DIP2A: variants seen among roughly 807,000 people sequenced by gnomAD.
DIP2A encodes disco-interacting protein 2 homolog A.
A neutral mutation model predicts 177.4 loss-of-function variants in DIP2A; 85 were observed. The observed-to-expected ratio is 0.48, with a 90% CI of 0.40 to 0.57. DIP2A has a LOEUF of 0.57. Among genes scored for constraint, DIP2A ranks in the 20% least tolerant of loss-of-function variants. DIP2A has a pLI of 0.00. For synonymous variants in DIP2A, 886 were observed against 881.8 expected (o/e 1.00, Z -0.08); for missense variants, 1,791 against 2,100.2 (o/e 0.85, Z 2.88).
chr21:46,514,122 A>G (rs1057180025), intron 8 of DIP2A, among the ~76,000 whole-genome samples: 2 of 152,174 alleles, frequency 1.3e-5, no homozygotes, highest in East Asian at 1.9e-4. Flanking sequence ...ATTGCAATCT[A>G]TATTATTATT....
At position 46,556,794 on chromosome 21, in the gene DIP2A, C is replaced by A; in HGVS notation, c.3499-145C>A. On this transcript the variant is annotated intron_variant, in intron 29 of 37. Coordinates refer to ENST00000417564, the MANE Select transcript of DIP2A (RefSeq NM_015151.4). This position sits in a 1 kb window ranked among gnomAD's most constrained non-coding sequence, Gnocchi z 4.5. The stretch of plus-strand genomic sequence containing the variant: ...TATTTAGGTTATATGGGGATTTGAG[C>A]CAACCGTCTTTTAAGGAAATAAATA... 1 of 718,334 alleles carries A rather than the reference C, an allele frequency of 1.4e-6. No individual in the cohort carries two copies. The highest frequency in any genetic ancestry group is 2.2e-6 in the Non-Finnish European group (1 of 462,782). The allele number at this position is 718,334 out of a possible 1,614,324, so 44.5% of individuals were successfully genotyped here. A position where few individuals can be genotyped will look rare whatever the true frequency, so the allele number is the denominator to read the frequency against.
chr21:46,563,835 G>A lies in DIP2A; in HGVS notation c.4090-23G>A. The A allele has an allele frequency of 6.2e-7, 1 of 1,611,594 alleles. No homozygotes were observed. Among genetic ancestry groups the A allele is most frequent in the Admixed American group, 1.7e-5 (1 of 59,536 alleles). On this transcript the variant is annotated intron_variant, in intron 34 of 37. Transcript: ENST00000417564. This position sits in a 1 kb window ranked among gnomAD's most constrained non-coding sequence, Gnocchi z 4.3. ...CTCGTGTCATGTTTTCTTTAACAAG[G>A]GACATAGCTCTCCTCCTTCCAGATC...
At chr21:46,549,983 C>T (rs2060213101) in intron 22 of DIP2A, 98 bp downstream of exon 22, 3 of 1,562,552 alleles carry the variant, frequency 1.9e-6, no homozygotes, top group East Asian at 2.3e-5. Context: ...CCGCCCGGTC[C>T]TCCCTGGCTC....
intron 1 of DIP2A, among the ~76,000 whole-genome samples, chr21:46,467,568 G>C (rs2054949340): frequency 6.6e-6 from 1 of 152,086 alleles, no homozygotes; most frequent in East Asian, 1.9e-4. Context: ...ACATTTTAAA[G>C]CTATTGCCTA....
At chr21:46,527,329 T>TTTG (rs1224381595) in intron 8 of DIP2A, among the ~76,000 whole-genome samples, 3 of 144,234 alleles carry the variant, frequency 2.1e-5, no homozygotes, top group African/African-American at 5.2e-5. Flanking sequence ...GTTGAGGTTT[T>TTTG]TTTTTTTTTT....
Position 46,551,879 on chromosome 21 carries a change from C to G in DIP2A, c.3005C>G (p.Pro1002Arg). ...CGTGCCCACACCACTCCTGACCACC[C>G]GCTGTTCTTGCTGCTGAACGCCAAG... is the stretch of plus-strand genomic sequence containing the variant. ...QWRAHTTPDH[P>R]LFLLLNAKGT... The change falls in exon 25 of 38, where the codon CCG becomes CGG. Residue 1002 changes from proline to arginine, a missense_variant. Coordinates refer to ENST00000417564, the MANE Select transcript of DIP2A (RefSeq NM_015151.4). The G allele has an allele frequency of 6.2e-7, 1 of 1,609,204 alleles. No homozygotes were observed.
intron 8 of DIP2A, among the ~76,000 whole-genome samples, chr21:46,512,808 A>C (rs912409864): frequency 1.2e-4 from 15 of 120,316 alleles, no homozygotes; most frequent in African/African-American, 4.3e-4. Context: ...TTTAAAAAAA[A>C]AAACAAACAA....
intron 8 of DIP2A, among the ~76,000 whole-genome samples, chr21:46,519,903 C>G (rs896840941): frequency 1.0e-5 from 1 of 95,816 alleles, no homozygotes; most frequent in South Asian, 3.8e-4. Flanking sequence ...GAGATGGAGT[C>G]TTGCTCTGCT....
intron 5 of DIP2A, among the ~76,000 whole-genome samples, chr21:46,502,104 C>A (rs2057682373): frequency 1.3e-5 from 2 of 152,090 alleles, no homozygotes; most frequent in African/African-American, 4.8e-5. Context: ...TTAAACATTA[C>A]CAGTTGTCTC....
intron 13 of DIP2A, 104 bp downstream of exon 13, chr21:46,534,791 G>C: frequency 2.0e-6 from 2 of 979,146 alleles, no homozygotes; most frequent in Non-Finnish European, 1.5e-6. Flanking sequence ...CCACCCCTGG[G>C]TAGTGCCTTT....
intron 2 of DIP2A, among the ~76,000 whole-genome samples, chr21:46,485,983 A>T (rs1022522896): frequency 6.7e-6 from 1 of 149,812 alleles, no homozygotes. Context: ...AGACAGGAGA[A>T]TCACTTGAAC....
chr21:46,550,598 A>G lies in DIP2A; in HGVS notation c.2693A>G (p.Asn898Ser), dbSNP rs768451742. The change falls in exon 23 of 38, where the codon AAC becomes AGC. Residue 898 changes from asparagine (N) to serine (S), a missense_variant. Physicochemically the swap from Asn to Ser is conservative, Grantham distance 46 (BLOSUM62 1). Coordinates refer to ENST00000417564, the MANE Select transcript of DIP2A (RefSeq NM_015151.4). ...GVYCLALVPA[N>S]TLPKAPLGGI... ...TACTGTCTGGCCCTGGTTCCTGCCA[A>G]CACCTTGCCCAAGGCTCCTCTCGGA... 2.5e-6 allele frequency: 4 copies of G among 1,613,598 alleles called. No homozygotes were observed. Among genetic ancestry groups the G allele is most frequent in the Non-Finnish European group, 3.4e-6 (4 of 1,179,772 alleles).
In DIP2A at chr21:46,507,236, C is replaced by T. The variant is rs748825546; in HGVS notation, c.785-2021C>T. 3.3e-5 allele frequency among the ~76,000 whole-genome samples: 5 copies of T among 152,090 alleles called. No homozygotes were observed. The East Asian group carries it at 9.6e-4, about 29-fold the overall frequency. Reference sequence around the variant, plus strand: ...TACATTTTTATGACATTCAGTTTACCAAATTTTTTTATATATTGTGCTTTT... The same window carrying T: ...TACATTTTTATGACATTCAGTTTACTAAATTTTTTTATATATTGTGCTTTT... On this transcript the variant is annotated intron_variant, in intron 6 of 37. Coordinates refer to ENST00000417564, the MANE Select transcript of DIP2A (RefSeq NM_015151.4).
chr21:46,572,426 A>G (rs1259941874), downstream of DIP2A, among the ~76,000 whole-genome samples: 2 of 152,210 alleles, frequency 1.3e-5, no homozygotes, highest in Middle Eastern at 3.2e-3. Context: ...TACCAGCTCC[A>G]TTAATGGTAA....
intron 25 of DIP2A, among the ~76,000 whole-genome samples, chr21:46,552,591 C>T (rs2060312713): frequency 1.3e-5 from 2 of 152,212 alleles, no homozygotes. Flanking sequence ...GAGTAGGTCA[C>T]TGTGGCTTAG....
chr21:46,546,854 T>G (rs1020489087), intron 20 of DIP2A, 61 bp from the exon 21 acceptor site: 2 of 1,592,334 alleles, frequency 1.3e-6, no homozygotes, highest in African/African-American at 2.7e-5. Flanking sequence ...CTGACCATGG[T>G]CCTGGCGCAT....
chr21:46,534,157 C>A, intron 12 of DIP2A, 44 bp downstream of exon 12: 1 of 1,469,768 alleles, frequency 6.8e-7, no homozygotes, highest in Non-Finnish European at 9.5e-7. Flanking sequence ...ACATGTCCCA[C>A]AGGCTTAAGT....
intron 36 of DIP2A, among the ~76,000 whole-genome samples, chr21:46,566,254 A>C (rs2060834377): frequency 6.6e-6 from 1 of 152,206 alleles, no homozygotes; most frequent in Non-Finnish European, 1.5e-5. Flanking sequence ...AGCCACCACA[A>C]GCTGGCCAGA....
chr21:46,564,772 G>A (rs1034482918), intron 35 of DIP2A, among the ~76,000 whole-genome samples: 1 of 152,232 alleles, frequency 6.6e-6, no homozygotes, highest in African/African-American at 2.4e-5. Flanking sequence ...AAGGGTGTGA[G>A]CGTGCGGGCC....
Sources: allele counts gnomAD v4.1 joint callset (sites outside exome capture counted in the v4.1 genomes callset), GRCh38; gene constraint gnomAD v4.1.1; non-coding constraint Gnocchi (gnomAD v3.1); transcripts MANE v1.5; gene names NCBI Gene and HGNC (gene_info 2026-07-23, HGNC 2026-07-21).